Variants in UBR3 observed in about 807,000 individuals in gnomAD.
UBR3 encodes the protein ubiquitin protein ligase E3 component n-recognin 3.
A neutral mutation model predicts 243.2 loss-of-function variants in UBR3; 85 were observed. The ratio of observed to expected loss-of-function variants is 0.35; its 90% CI spans 0.29 to 0.42. UBR3 has a LOEUF of 0.42. Ranked by LOEUF, UBR3 falls within the 10% of genes least tolerant of loss-of-function variation. The probability of loss-of-function intolerance (pLI) is 1.00; values close to 1 mark genes in which losing one functional copy is unlikely to be tolerated. For missense variants in UBR3, 1,686 were observed against 2,300.8 expected, an observed-to-expected ratio of 0.73 and a Z score of 5.47; for synonymous variants, 748 against 799.8, an observed-to-expected ratio of 0.94 and a Z score of 1.09.
intron 17 of UBR3, among the ~76,000 whole-genome samples, chr2:169,928,051 G>A (rs2085975563): frequency 6.6e-6 from 1 of 152,114 alleles, no homozygotes; most frequent in Non-Finnish European, 1.5e-5. Context: ...GGAAGAATTG[G>A]CTAAACTTTT....
chr2:170,058,638 C>T (rs1420449679), intron 33 of UBR3, among the ~76,000 whole-genome samples: 1 of 151,956 alleles, frequency 6.6e-6, no homozygotes, highest in East Asian at 1.9e-4. Flanking sequence ...ACCTCAGCCT[C>T]TGAAGTAGCT....
At chr2:170,020,050 G>C (rs1181798331) in intron 30 of UBR3, among the ~76,000 whole-genome samples, 1 of 152,034 alleles carries the variant, frequency 6.6e-6, no homozygotes, top group Non-Finnish European at 1.5e-5. Context: ...CAAAGTGCTG[G>C]GATTATAGGC....
intron 28 of UBR3, among the ~76,000 whole-genome samples, chr2:170,008,179 A>G (rs553962602): frequency 6.6e-6 from 1 of 151,882 alleles, no homozygotes; most frequent in South Asian, 2.1e-4. Context: ...TCACCTTCAT[A>G]AAAAAAAATT....
At chr2:169,873,492 G>GAC (rs2083495679) in intron 2 of UBR3, among the ~76,000 whole-genome samples, 1 of 152,066 alleles carries the variant, frequency 6.6e-6, no homozygotes, top group South Asian at 2.1e-4. Context: ...ACAACATAGA[G>GAC]ACTCTGTCTT....
intron 30 of UBR3, among the ~76,000 whole-genome samples, chr2:170,028,470 A>T (rs2090586609): frequency 6.6e-6 from 1 of 151,874 alleles, no homozygotes; most frequent in Non-Finnish European, 1.5e-5. Context: ...AATTAATTTT[A>T]ATCATATGTT....
At chr2:169,902,613 CTTT>C (rs71006053) in intron 8 of UBR3, among the ~76,000 whole-genome samples, 11 of 142,562 alleles carry the variant, frequency 7.7e-5, no homozygotes, top group Non-Finnish European at 1.1e-4. Flanking sequence ...TCAGGAGAGT[CTTT>C]TTTTTTTTTT....
chr2:169,976,582 T>A (rs1315291147), intron 24 of UBR3, among the ~76,000 whole-genome samples: 1 of 152,192 alleles, frequency 6.6e-6, no homozygotes, highest in Non-Finnish European at 1.5e-5. Context: ...TTTGAAAATA[T>A]CTATTTTTTA....
At chr2:169,856,835 GA>G (rs1220006412) in intron 1 of UBR3, among the ~76,000 whole-genome samples, 1 of 151,166 alleles carries the variant, frequency 6.6e-6, no homozygotes, top group Non-Finnish European at 1.5e-5. Context: ...AGGGGAGAGG[GA>G]GGGGGAGGGG....
chr2:169,935,112 T>C (rs1302667172), intron 19 of UBR3, among the ~76,000 whole-genome samples: 1 of 152,216 alleles, frequency 6.6e-6, no homozygotes, highest in Non-Finnish European at 1.5e-5. Context: ...CAGTGTTATA[T>C]TTTATATATG....
chr2:169,953,171 C>A (rs964410314), intron 23 of UBR3, among the ~76,000 whole-genome samples: 1 of 152,056 alleles, frequency 6.6e-6, no homozygotes, highest in African/African-American at 2.4e-5. Flanking sequence ...ATTTTAAAGG[C>A]TTTCTTTGTG....
chr2:169,836,923 G>T (rs2082129863), intron 1 of UBR3, among the ~76,000 whole-genome samples: 1 of 151,976 alleles, frequency 6.6e-6, no homozygotes, highest in Non-Finnish European at 1.5e-5. Context: ...TCTAGTTTGT[G>T]TCTTGTCTTT....
rs901075288 is a variant in UBR3 at position 170,083,274 on chromosome 2, A to T, written c.*1431A>T. 5.2e-5 allele frequency: 8 copies of T among 152,744 alleles called. No individual in the cohort carries two copies. The highest frequency in any genetic ancestry group is 3.4e-3 in the Middle Eastern group (1 of 294). 9.5% of individuals were successfully genotyped at this position (152,744 alleles called of 1,614,324 possible). ...TTAAATCATGGCCTTGCATTAAAAT[A>T]TGGAAAGCAGAGCAGTACATATTCA... On this transcript the variant is annotated 3_prime_UTR_variant, in exon 39 of 39. Coordinates refer to ENST00000272793, the MANE Select transcript of UBR3 (RefSeq NM_172070.4).
chr2:170,032,736 C>T (rs1457156695), intron 31 of UBR3, among the ~76,000 whole-genome samples: 1 of 151,726 alleles, frequency 6.6e-6, no homozygotes, highest in Non-Finnish European at 1.5e-5. Context: ...CTTTTTAGTG[C>T]ATAGTATGAG....
At chr2:170,047,584 A>G (rs1183490773) in intron 32 of UBR3, among the ~76,000 whole-genome samples, 2 of 152,198 alleles carry the variant, frequency 1.3e-5, no homozygotes, top group African/African-American at 4.8e-5. Context: ...GACAGTGAAC[A>G]GAGAGATCTT....
chr2:170,041,039 C>T (rs1015435341), intron 32 of UBR3, 54 bp downstream of exon 32: 2 of 1,517,518 alleles, frequency 1.3e-6, no homozygotes, highest in South Asian at 2.3e-5. Context: ...TTTGAATATT[C>T]TAGAGATTAT....
intron 19 of UBR3, among the ~76,000 whole-genome samples, chr2:169,936,517 TTTATTATTA>T (rs74513911): frequency 2.0e-5 from 3 of 151,148 alleles, no homozygotes; most frequent in South Asian, 4.2e-4. Flanking sequence ...GCGTTTTCTT[TTTATTATTA>T]TTATTATTAT....
intron 31 of UBR3, among the ~76,000 whole-genome samples, chr2:170,034,450 G>A (rs1306559068): frequency 6.6e-6 from 1 of 151,826 alleles, no homozygotes; most frequent in East Asian, 1.9e-4. Context: ...TTTTCACATT[G>A]GATTCTTTCA....
intron 36 of UBR3, chr2:170,078,167 A>G (rs942067637): frequency 4.6e-5 from 26 of 559,864 alleles, no homozygotes; most frequent in African/African-American, 2.6e-4. Flanking sequence ...CTTCAGACCA[A>G]TCATTTTCTT....
intron 25 of UBR3, among the ~76,000 whole-genome samples, chr2:169,992,921 C>T (rs1415757033): frequency 1.3e-5 from 2 of 152,058 alleles, no homozygotes; most frequent in African/African-American, 4.8e-5. Flanking sequence ...CCACCATACC[C>T]AGCTAAATTT....
Sources: gnomAD v4.1 joint callset for allele counts (sites outside exome capture counted in the v4.1 genomes callset) on GRCh38, gnomAD v4.1.1 for gene constraint, MANE v1.5 for transcripts, NCBI Gene and HGNC (gene_info 2026-07-23, HGNC 2026-07-21) for gene names.